TMEM135: variants seen among roughly 807,000 people sequenced by gnomAD.
The protein encoded by TMEM135 is transmembrane protein 135.
TMEM135 carries 30 observed loss-of-function variants against 60.3 expected under a neutral mutation model. That is an observed-to-expected ratio of 0.50 (90% CI 0.37 to 0.68). TMEM135 has a LOEUF of 0.68. TMEM135 is among the 30% of genes least tolerant of loss of function. The pLI is 0.00. For missense variants in TMEM135, 468 were observed against 548.8 expected (o/e 0.85, Z 1.47); for synonymous variants, 190 against 186.7 (o/e 1.02, Z -0.14).
At chr11:87,314,571 A>G (rs747822152) in intron 12 of TMEM135, 24 bp downstream of exon 12, 1 of 1,585,530 alleles carries the variant, frequency 6.3e-7, no homozygotes, top group Non-Finnish European at 8.7e-7. Flanking sequence ...TTGTGCAAGA[A>G]TAGTTCCAAA....
intron 6 of TMEM135, among the ~76,000 whole-genome samples, chr11:87,282,188 T>A (rs7117839): frequency 0.37 from 55,657 of 151,900 alleles, 10,862 homozygotes; most frequent in Non-Finnish European, 0.43. Context: ...TCTTGACCAA[T>A]GGTACACACT....
intron 4 of TMEM135, among the ~76,000 whole-genome samples, chr11:87,129,703 G>A (rs972796150): frequency 1.3e-5 from 2 of 151,660 alleles, no homozygotes; most frequent in South Asian, 2.1e-4. Flanking sequence ...CCCACACCTG[G>A]CTAATTTTTG....
chr11:87,291,393 C>G (rs1942258387), intron 6 of TMEM135, among the ~76,000 whole-genome samples: 2 of 152,008 alleles, frequency 1.3e-5, no homozygotes, highest in Non-Finnish European at 2.9e-5. Context: ...GAATTTCAGT[C>G]AGCTCTACTT....
chr11:87,286,549 G>C (rs903757057), intron 6 of TMEM135, among the ~76,000 whole-genome samples: 3 of 152,248 alleles, frequency 2.0e-5, no homozygotes, highest in Non-Finnish European at 4.4e-5. Flanking sequence ...CGGTCGATGG[G>C]ACCGGGGGCC....
chr11:87,163,534 G>A (rs1938950815), intron 5 of TMEM135, among the ~76,000 whole-genome samples: 1 of 151,952 alleles, frequency 6.6e-6, no homozygotes, highest in Non-Finnish European at 1.5e-5. Context: ...ATGATTTATA[G>A]TCCTTTGGGT....
Position 87,303,487 on chromosome 11 carries a change from T to C in TMEM135, c.698+1045T>C, listed in dbSNP as rs138445463. ...ACCTATGTTTCACTCTTATTTTCCC[T>C]CTGCCAGCATTGTAACTTTGGACGA... On this transcript the variant is annotated intron_variant, in intron 8 of 14. Transcript: ENST00000305494. Among the ~76,000 whole-genome samples, 69 of 152,338 alleles carry C rather than the reference T, an allele frequency of 4.5e-4. 2 individuals are homozygous for C. In the East Asian group the frequency reaches 0.013, roughly 28 times the overall value.
At chr11:87,040,760 T>A (rs1949743978) in intron 1 of TMEM135, among the ~76,000 whole-genome samples, 1 of 152,248 alleles carries the variant, frequency 6.6e-6, no homozygotes, top group African/African-American at 2.4e-5. Flanking sequence ...TCTTTCTTTT[T>A]GAGAATTAAA....
chr11:87,056,736 CT>C (rs1484473278), intron 1 of TMEM135, among the ~76,000 whole-genome samples: 1 of 152,052 alleles, frequency 6.6e-6, no homozygotes, highest in African/African-American at 2.4e-5. Flanking sequence ...ATCATCCTTC[CT>C]GGGCTTGAAC....
intron 1 of TMEM135, among the ~76,000 whole-genome samples, chr11:87,054,457 A>G (rs1167964347): frequency 6.6e-6 from 1 of 152,134 alleles, no homozygotes; most frequent in East Asian, 1.9e-4. Context: ...GAAAAAAAGA[A>G]AAATATTTAG....
chr11:87,073,695 T>A (rs1429738599), intron 3 of TMEM135, among the ~76,000 whole-genome samples: 1 of 151,480 alleles, frequency 6.6e-6, no homozygotes, highest in Non-Finnish European at 1.5e-5. Flanking sequence ...TGAGACGGAG[T>A]CTCGCTCTGT....
chr11:87,315,916 C>T (rs1016898546), intron 12 of TMEM135, among the ~76,000 whole-genome samples: 3 of 151,956 alleles, frequency 2.0e-5, no homozygotes, highest in Non-Finnish European at 2.9e-5. Flanking sequence ...GTTGACTCCT[C>T]CTTGTTGTAA....
intron 5 of TMEM135, among the ~76,000 whole-genome samples, chr11:87,206,467 A>C (rs1272652883): frequency 6.6e-6 from 1 of 152,164 alleles, no homozygotes; most frequent in African/African-American, 2.4e-5. Flanking sequence ...ACATGGTACA[A>C]ATTACTTCCA....
At chr11:87,076,642 C>G (rs1407157138) in intron 3 of TMEM135, among the ~76,000 whole-genome samples, 2 of 152,300 alleles carry the variant, frequency 1.3e-5, no homozygotes, top group Non-Finnish European at 2.9e-5. Flanking sequence ...TGGGAATGTG[C>G]TAGGTCACAT....
intron 4 of TMEM135, among the ~76,000 whole-genome samples, chr11:87,156,012 A>T (rs1015840874): frequency 6.6e-6 from 1 of 152,198 alleles, no homozygotes; most frequent in African/African-American, 2.4e-5. Context: ...GTCAAAGTGC[A>T]GCTGATTTAT....
intron 4 of TMEM135, among the ~76,000 whole-genome samples, chr11:87,147,638 G>A (rs989218135): frequency 1.3e-5 from 2 of 152,140 alleles, no homozygotes; most frequent in Non-Finnish European, 2.9e-5. Context: ...TTTTTGATTT[G>A]CACACATATA....
intron 5 of TMEM135, among the ~76,000 whole-genome samples, chr11:87,186,559 C>T (rs1486823153): frequency 6.6e-6 from 1 of 152,078 alleles, no homozygotes; most frequent in Non-Finnish European, 1.5e-5. Context: ...TAGTTTTCCC[C>T]TTGAGAAATC....
chr11:87,106,044 CT>C (rs1313781514), intron 4 of TMEM135, among the ~76,000 whole-genome samples: 1 of 151,652 alleles, frequency 6.6e-6, no homozygotes, highest in Non-Finnish European at 1.5e-5. Flanking sequence ...TTGTGCCTGG[CT>C]TTTTTCACTT....
chr11:87,288,333 G>C (rs1372252799), intron 6 of TMEM135, among the ~76,000 whole-genome samples: 1 of 152,114 alleles, frequency 6.6e-6, no homozygotes, highest in Non-Finnish European at 1.5e-5. Flanking sequence ...AGTTGGTCTT[G>C]AAAGACCAAG....
At chr11:87,063,126 T>G (rs1949965859) in intron 1 of TMEM135, among the ~76,000 whole-genome samples, 1 of 152,220 alleles carries the variant, frequency 6.6e-6, no homozygotes, top group Non-Finnish European at 1.5e-5. Context: ...TATCAACCAT[T>G]TAGAGATAAT....
Sources: allele counts gnomAD v4.1 joint callset (sites outside exome capture counted in the v4.1 genomes callset), GRCh38; gene constraint gnomAD v4.1.1; transcripts MANE v1.5; gene names NCBI Gene and HGNC (gene_info 2026-07-23, HGNC 2026-07-21).